Variants in PDE4D observed in about 807,000 individuals in gnomAD.
The protein encoded by PDE4D is 3',5'-cyclic-AMP phosphodiesterase 4D.
A neutral mutation model predicts 87.4 loss-of-function variants in PDE4D; 24 were observed. The observed-to-expected ratio is 0.27, with a 90% confidence interval of 0.20 to 0.39. The LOEUF (loss-of-function observed/expected upper bound fraction) is 0.39. Ranked by LOEUF, PDE4D falls within the 10% of genes least tolerant of loss-of-function variation. The pLI is 1.00. For missense variants in PDE4D, 714 were observed against 1,041.0 expected, an observed-to-expected ratio of 0.69 and a Z score of 4.32; for synonymous variants, 384 against 383.2, an observed-to-expected ratio of 1.00 and a Z score of -0.02.
chr5:59,430,768 T>C (rs551547464), intron 1 of PDE4D, among the ~76,000 whole-genome samples: 1 of 152,288 alleles, frequency 6.6e-6, no homozygotes, highest in Non-Finnish European at 1.5e-5. Flanking sequence ...TATCCATTTT[T>C]GTCTAACGTT....
chr5:59,721,549 A>G (rs553458437), intron 1 of PDE4D, among the ~76,000 whole-genome samples: 1 of 152,166 alleles, frequency 6.6e-6, no homozygotes, highest in Non-Finnish European at 1.5e-5. Flanking sequence ...TCCATTTTAC[A>G]TATAGGAAAA....
chr5:59,555,930 C>A (rs1818824738), intron 1 of PDE4D, among the ~76,000 whole-genome samples: 1 of 152,046 alleles, frequency 6.6e-6, no homozygotes, highest in African/African-American at 2.4e-5. Context: ...CATCTGTGCT[C>A]CCTGGGACCT....
intron 1 of PDE4D, among the ~76,000 whole-genome samples, chr5:59,444,131 T>C (rs1798019569): frequency 6.6e-6 from 1 of 152,228 alleles, no homozygotes; most frequent in Admixed American, 6.5e-5. Flanking sequence ...AAGATCATGA[T>C]AGTCAGGGTA....
chr5:59,906,257 C>A (rs1031996456), intron 3 of PDE4D, among the ~76,000 whole-genome samples: 1 of 152,062 alleles, frequency 6.6e-6, no homozygotes, highest in African/African-American at 2.4e-5. Flanking sequence ...AAAGAATTTG[C>A]CAGATACAGT....
chr5:59,838,162 A>G lies in PDE4D; in HGVS notation c.455+55006T>C, dbSNP rs556341900. Among the ~76,000 whole-genome samples the G allele has an allele frequency of 3.9e-5, 6 of 152,180 alleles. 1 individual carries two copies. The highest frequency in any genetic ancestry group is 1.4e-4 in the African/African-American group (6 of 41,558). ...GTGGAGTTGTTCTGATGATACTGGA[A>G]GAAGGAGAGTAAAAAGAGTGCAGAG... is the stretch of plus-strand genomic sequence containing the variant. On this transcript the variant is annotated intron_variant, in intron 1 of 14. Coordinates refer to ENST00000340635, the MANE Select transcript of PDE4D (RefSeq NM_001104631.2).
intron 1 of PDE4D, among the ~76,000 whole-genome samples, chr5:60,209,193 T>A (rs377172474): frequency 6.8e-6 from 1 of 146,814 alleles, no homozygotes; most frequent in African/African-American, 2.5e-5. Context: ...TTTTCTTTTT[T>A]TTTTTTTTTT....
chr5:60,147,744 T>G, intron 2 of PDE4D: 1 of 455,546 alleles, frequency 2.2e-6, no homozygotes. Flanking sequence ...CTCGAGTCAC[T>G]CACATGGTTG....
intron 2 of PDE4D, among the ~76,000 whole-genome samples, chr5:60,125,854 A>T (rs991291674): frequency 4.6e-5 from 7 of 152,196 alleles, no homozygotes; most frequent in African/African-American, 1.7e-4. Flanking sequence ...GAGAAACAGA[A>T]TTTCATTTAC....
intron 1 of PDE4D, among the ~76,000 whole-genome samples, chr5:60,301,706 C>T (rs544368660): frequency 3.2e-4 from 49 of 152,268 alleles, no homozygotes; most frequent in Admixed American, 8.5e-4. Context: ...TTCTATCTCT[C>T]ACCTGATTGC....
chr5:59,743,442 C>T (rs1759150125), intron 1 of PDE4D, among the ~76,000 whole-genome samples: 1 of 151,998 alleles, frequency 6.6e-6, no homozygotes, highest in Non-Finnish European at 1.5e-5. Flanking sequence ...AAAAGCTGCT[C>T]AACATTACTA....
intron 1 of PDE4D, among the ~76,000 whole-genome samples, chr5:59,690,329 C>G (rs1750693194): frequency 1.3e-5 from 2 of 152,262 alleles, no homozygotes; most frequent in Non-Finnish European, 2.9e-5. Flanking sequence ...TACTACAAGG[C>G]TACAGTAACC....
intron 1 of PDE4D, among the ~76,000 whole-genome samples, chr5:60,515,423 T>C (rs2150259848): frequency 6.6e-6 from 1 of 152,258 alleles, no homozygotes; most frequent in East Asian, 1.9e-4. Context: ...ACATCTTTAC[T>C]GTCTTTCAAA....
intron 1 of PDE4D, among the ~76,000 whole-genome samples, chr5:59,450,290 A>G (rs1035793941): frequency 2.0e-5 from 3 of 152,216 alleles, no homozygotes; most frequent in African/African-American, 7.2e-5. Context: ...TATGAACTAT[A>G]AGTAAGATGG....
chr5:60,485,341 A>G (rs1225006409), intron 1 of PDE4D, among the ~76,000 whole-genome samples: 1 of 152,160 alleles, frequency 6.6e-6, no homozygotes, highest in Non-Finnish European at 1.5e-5. Context: ...TCCTATATAT[A>G]ACACAGGAAA....
chr5:60,376,561 C>T (rs1453761123), intron 1 of PDE4D, among the ~76,000 whole-genome samples: 4 of 152,172 alleles, frequency 2.6e-5, no homozygotes, highest in African/African-American at 9.7e-5. Flanking sequence ...GCTCATATGT[C>T]CTTCATGTTT....
At chr5:60,083,192 A>T (rs968641865) in intron 2 of PDE4D, among the ~76,000 whole-genome samples, 3 of 152,184 alleles carry the variant, frequency 2.0e-5, no homozygotes, top group African/African-American at 7.2e-5. Flanking sequence ...TTGCAATTGG[A>T]CAATATATAT....
chr5:59,952,468 C>A (rs1234766286), intron 3 of PDE4D, among the ~76,000 whole-genome samples: 1 of 152,172 alleles, frequency 6.6e-6, no homozygotes, highest in Admixed American at 6.5e-5. Context: ...TCCACTCCTC[C>A]CATAGCATAT....
At chr5:59,659,025 T>G (rs1744820576) in intron 1 of PDE4D, among the ~76,000 whole-genome samples, 1 of 152,160 alleles carries the variant, frequency 6.6e-6, no homozygotes, top group Non-Finnish European at 1.5e-5. Flanking sequence ...GAAATTTTAA[T>G]GCAACTTAAA....
At chr5:59,350,385 G>A (rs749822731) in intron 1 of PDE4D, among the ~76,000 whole-genome samples, 10 of 152,098 alleles carry the variant, frequency 6.6e-5, no homozygotes, top group Non-Finnish European at 1.0e-4. Flanking sequence ...TGACCAGGCC[G>A]CTATCAAGTT....
Sources: gnomAD v4.1 joint callset for allele counts (sites outside exome capture counted in the v4.1 genomes callset) on GRCh38, gnomAD v4.1.1 for gene constraint, MANE v1.5 for transcripts, NCBI Gene and HGNC (gene_info 2026-07-23, HGNC 2026-07-21) for gene names.